Variants in ARHGAP26 observed in about 807,000 individuals in gnomAD.
ARHGAP26 encodes Rho GTPase activating protein 26.
ARHGAP26 carries 38 observed loss-of-function variants against 104.8 expected under a neutral mutation model. The ratio of observed to expected loss-of-function variants is 0.36; its 90% confidence interval spans 0.28 to 0.48. ARHGAP26 has a LOEUF of 0.48. Ranked by LOEUF, ARHGAP26 falls within the 20% of genes least tolerant of loss-of-function variation. The pLI is 0.99. For synonymous variants in ARHGAP26, 341 were observed against 340.0 expected (o/e 1.00, Z -0.03); for missense variants, 704 against 947.9 (o/e 0.74, Z 3.38).
chr5:142,996,025 A>G (rs1384100025), intron 11 of ARHGAP26, among the ~76,000 whole-genome samples: 1 of 152,056 alleles, frequency 6.6e-6, no homozygotes, highest in African/African-American at 2.4e-5. Flanking sequence ...GGAACATAAC[A>G]TACCGGGGCC....
At position 143,090,443 on chromosome 5, in the gene ARHGAP26, G is replaced by A. The variant is rs190495130; in HGVS notation, c.1539-30545G>A. ...TTTGTTTTAAGTCTTTAACTTCTAC[G>A]ATAGCTATCTCAGTCGTGTCATTAG... On this transcript the variant is annotated intron_variant, in intron 17 of 22. Coordinates refer to ENST00000645722, the MANE Select transcript of ARHGAP26 (RefSeq NM_001135608.3). Among the ~76,000 whole-genome samples the A allele has an allele frequency of 2.3e-3, 344 of 151,018 alleles. 6 individuals carry two copies. The highest frequency in any genetic ancestry group is 1.7e-3 in the Non-Finnish European group (115 of 67,952).
chr5:143,131,943 G>GTAAGAGACTAGAGATGTTTA (rs1360979818), intron 18 of ARHGAP26, among the ~76,000 whole-genome samples: 1 of 152,212 alleles, frequency 6.6e-6, no homozygotes, highest in African/African-American at 2.4e-5. Flanking sequence ...TAGAGGCTCA[G>GTAAGAGACTAGAGATGTTTA]TAAGAGACTA....
chr5:143,056,756 A>T (rs1355397848), intron 16 of ARHGAP26, among the ~76,000 whole-genome samples: 2 of 152,292 alleles, frequency 1.3e-5, no homozygotes, highest in Non-Finnish European at 2.9e-5. Context: ...CAGTATTATT[A>T]TGTCGATAAC....
chr5:143,052,355 A>G (rs1182915564), intron 14 of ARHGAP26, among the ~76,000 whole-genome samples: 3 of 152,062 alleles, frequency 2.0e-5, no homozygotes, highest in Non-Finnish European at 4.4e-5. Flanking sequence ...CTGTAATCCC[A>G]GCTACTTGGG....
At chr5:142,877,108 A>G (rs1756239425) in intron 3 of ARHGAP26, among the ~76,000 whole-genome samples, 1 of 152,142 alleles carries the variant, frequency 6.6e-6, no homozygotes, top group Non-Finnish European at 1.5e-5. Context: ...GTGGTAAGGG[A>G]ACAATGACTG....
intron 10 of ARHGAP26, among the ~76,000 whole-genome samples, chr5:142,924,523 A>G (rs1763632343): frequency 6.6e-6 from 1 of 152,250 alleles, no homozygotes; most frequent in African/African-American, 2.4e-5. Flanking sequence ...TGATAATACA[A>G]GTAAAGTCCT....
Position 143,079,368 on chromosome 5 carries a change from CTA to C in ARHGAP26, c.1538+21623_1538+21624del, listed in dbSNP as rs202123956. On this transcript the variant is annotated intron_variant, in intron 17 of 22. Transcript: ENST00000645722. ...TCTCCTTCTCTGTTTCCAGCGTCCT[CTA>C]TGTGTCTATAAACACCTTTGCTACC... 7.4e-3 allele frequency among the ~76,000 whole-genome samples: 1,121 copies of C among 152,334 alleles called. 4 individuals are homozygous for C. The highest frequency in any genetic ancestry group is 0.012 in the Non-Finnish European group (816 of 68,032).
At position 143,227,544 on chromosome 5, in the gene ARHGAP26, G is replaced by C. The variant is rs916406410; in HGVS notation, c.*5098G>C. On this transcript the variant is annotated 3_prime_UTR_variant, in exon 23 of 23. Transcript: ENST00000645722. ...AAAATGACAACAGCAGCAGAGCAGCGAATCTTGCACAGCCCCACAGCATGC... is the reference window on the plus strand; with the variant it reads ...AAAATGACAACAGCAGCAGAGCAGCCAATCTTGCACAGCCCCACAGCATGC... 8.7e-6 allele frequency: 2 copies of C among 230,446 alleles called. No individual in the cohort carries two copies. Among genetic ancestry groups the C allele is most frequent in the Non-Finnish European group, 1.7e-5 (2 of 116,368 alleles). 14.3% of individuals were successfully genotyped at this position (230,446 alleles called of 1,614,324 possible).
intron 5 of ARHGAP26, among the ~76,000 whole-genome samples, chr5:142,893,208 C>T (rs1483100781): frequency 6.6e-6 from 1 of 152,026 alleles, no homozygotes; most frequent in African/African-American, 2.4e-5. Context: ...GATCTCTTGA[C>T]CTCGTGATCC....
chr5:142,889,971 A>C (rs892164926), intron 5 of ARHGAP26, among the ~76,000 whole-genome samples: 1 of 150,096 alleles, frequency 6.7e-6, no homozygotes, highest in African/African-American at 2.5e-5. Context: ...CCCCATCTCT[A>C]TTAAAAATAC....
rs185095333 is a variant in ARHGAP26, at chr5:143,015,128, T to A, written c.1144+1012T>A. Among the ~76,000 whole-genome samples the A allele has an allele frequency of 2.7e-5, 4 of 150,574 alleles. No homozygotes were observed. In the East Asian group the frequency reaches 7.8e-4, roughly 29 times the overall value. On this transcript the variant is annotated intron_variant, in intron 12 of 22. Coordinates refer to ENST00000645722, the MANE Select transcript of ARHGAP26 (RefSeq NM_001135608.3). ...GGTAGGTTGAGAGGCCTTTATGAGA[T>A]GAAAAAAAAATGTTCCCCTCCACCT...
chr5:142,772,572 T>C (rs1755436738), intron 1 of ARHGAP26: 1 of 366,900 alleles, frequency 2.7e-6, no homozygotes, highest in Non-Finnish European at 5.4e-6. Flanking sequence ...AGAGGTGTAC[T>C]TCATTCCAGG....
At chr5:142,801,023 A>G (rs962599557) in intron 1 of ARHGAP26, among the ~76,000 whole-genome samples, 1 of 152,226 alleles carries the variant, frequency 6.6e-6, no homozygotes, top group African/African-American at 2.4e-5. Context: ...GTTTGCCTGT[A>G]CAATTCAGTC....
At chr5:143,084,915 C>T (rs952942004) in intron 17 of ARHGAP26, among the ~76,000 whole-genome samples, 9 of 151,824 alleles carry the variant, frequency 5.9e-5, no homozygotes, top group African/African-American at 9.7e-5. Context: ...CGTGGTGGCG[C>T]GTGCCTGTAA....
intron 11 of ARHGAP26, among the ~76,000 whole-genome samples, chr5:142,976,878 T>C (rs1377378515): frequency 6.6e-6 from 1 of 152,214 alleles, no homozygotes; most frequent in African/African-American, 2.4e-5. Context: ...GTGTCAAAGA[T>C]AGGCCCTTGG....
chr5:143,160,812 A>G (rs1226621338), intron 20 of ARHGAP26, among the ~76,000 whole-genome samples: 1 of 152,108 alleles, frequency 6.6e-6, no homozygotes, highest in Non-Finnish European at 1.5e-5. Flanking sequence ...AATTAAGGCC[A>G]TTGGTCATTG....
intron 17 of ARHGAP26, among the ~76,000 whole-genome samples, chr5:143,087,987 A>G (rs1790849682): frequency 6.6e-6 from 1 of 152,136 alleles, no homozygotes; most frequent in South Asian, 2.1e-4. Context: ...GTCCTTCTCA[A>G]ACATGAATCA....
intron 17 of ARHGAP26, among the ~76,000 whole-genome samples, chr5:143,118,862 C>T (rs1469749999): frequency 1.3e-5 from 2 of 151,454 alleles, no homozygotes; most frequent in African/African-American, 2.4e-5. Flanking sequence ...ATGGGTGCAG[C>T]ACACCAGCAT....
intron 20 of ARHGAP26, among the ~76,000 whole-genome samples, chr5:143,153,647 A>G (rs141749997): frequency 1.3e-4 from 20 of 152,314 alleles, no homozygotes; most frequent in African/African-American, 4.8e-4. Context: ...AAAGAAAGCT[A>G]GGAGGGCTGG....
Sources: gnomAD v4.1 joint callset for allele counts (sites outside exome capture counted in the v4.1 genomes callset) on GRCh38, gnomAD v4.1.1 for gene constraint, MANE v1.5 for transcripts, NCBI Gene and HGNC (gene_info 2026-07-23, HGNC 2026-07-21) for gene names.